Variants in DHRS3 observed in about 807,000 individuals in gnomAD.
DHRS3 encodes dehydrogenase/reductase 3, also known as short-chain dehydrogenase/reductase 3.
DHRS3 carries 14 observed loss-of-function variants against 27.2 expected under a neutral mutation model. The ratio of observed to expected loss-of-function variants is 0.52; its 90% CI spans 0.34 to 0.81. DHRS3 has a LOEUF of 0.81. DHRS3 is among the 30% of genes least tolerant of loss of function. The pLI is 0.01. For synonymous variants in DHRS3, 165 were observed against 175.9 expected (o/e 0.94, Z 0.49); for missense variants, 322 against 406.2 (o/e 0.79, Z 1.78).
intron 1 of DHRS3, among the ~76,000 whole-genome samples, chr1:12,604,201 T>G (rs1557530611): frequency 6.6e-6 from 1 of 152,138 alleles, no homozygotes. Flanking sequence ...TCTTCTAAGA[T>G]TTCCCTTAAT....
At chr1:12,582,710 T>C (rs1242845065) in intron 1 of DHRS3, among the ~76,000 whole-genome samples, 1 of 152,066 alleles carries the variant, frequency 6.6e-6, no homozygotes, top group African/African-American at 2.4e-5. Context: ...GGTTCCTTTA[T>C]TCCTCCCTTA....
At chr1:12,602,194 G>A (rs1265505289) in intron 1 of DHRS3, among the ~76,000 whole-genome samples, 1 of 152,238 alleles carries the variant, frequency 6.6e-6, no homozygotes, top group Non-Finnish European at 1.5e-5. Context: ...TTGTGCAGGG[G>A]AAGTTGGATG....
intron 1 of DHRS3, among the ~76,000 whole-genome samples, chr1:12,597,397 A>G (rs1646806058): frequency 1.3e-5 from 2 of 152,234 alleles, no homozygotes; most frequent in Admixed American, 6.5e-5. Flanking sequence ...CCAGATCTTT[A>G]GCGAGTACTC....
At position 12,581,415 on chromosome 1, in the gene DHRS3, C is replaced by T. The variant is rs1286354188; in HGVS notation, c.196-749G>A. On this transcript the variant is annotated intron_variant, in intron 1 of 5. Transcript: ENST00000616661. Reference sequence around the variant, plus strand: ...GCTGGTAGCATAGATGGGACCATTCCAGCCTCAAGGTTCACAGGAGCTAAG... The same window carrying T: ...GCTGGTAGCATAGATGGGACCATTCTAGCCTCAAGGTTCACAGGAGCTAAG... Among the ~76,000 whole-genome samples, 3 of 152,142 alleles carry T rather than the reference C, an allele frequency of 2.0e-5. No individual in the cohort carries two copies. The East Asian group carries it at 5.8e-4, about 29-fold the overall frequency.
chr1:12,581,471 C>T (rs1036198294), intron 1 of DHRS3, among the ~76,000 whole-genome samples: 1 of 152,158 alleles, frequency 6.6e-6, no homozygotes, highest in Non-Finnish European at 1.5e-5. Flanking sequence ...CAGTCACTCC[C>T]CTAAGGATAT....
intron 1 of DHRS3, among the ~76,000 whole-genome samples, chr1:12,614,520 A>G (rs1291509885): frequency 2.0e-5 from 3 of 151,884 alleles, no homozygotes; most frequent in African/African-American, 4.8e-5. Flanking sequence ...CTTTAAAAAA[A>G]AAAAAACCCT....
rs1260173368 is a variant in DHRS3, at chr1:12,595,497, T to C, written c.196-14831A>G. Among the ~76,000 whole-genome samples the C allele has an allele frequency of 1.6e-4, 4 of 25,228 alleles. No individual in the cohort carries two copies. In the East Asian group the frequency reaches 5.0e-3, roughly 32 times the overall value. The allele number at this position is 25,228 out of a possible 152,430, so 16.6% of individuals were successfully genotyped here. ...TCCCAAGCGGCGGATGGGAAAGGGG[T>C]GGAAAGGGGATGGGAAGGGGCGGGA... is the stretch of plus-strand genomic sequence containing the variant. On this transcript the variant is annotated intron_variant, in intron 1 of 5. Transcript: ENST00000616661.
chr1:12,617,859 G>GGA lies in DHRS3; in HGVS notation c.-512_-511insTC, dbSNP rs1478196155. ...CGCCCCCACCCCCACCCCGTCTCCA[G>GGA]AAAAAAAAAAAAAAAAAAAGTGGGG... On this transcript the variant is annotated 5_prime_UTR_variant, in exon 1 of 6. Transcript: ENST00000616661. 1.9e-4 allele frequency: 3 copies of GGA among 15,642 alleles called. No homozygotes were observed. The highest frequency in any genetic ancestry group is 1.1e-3 in the Admixed American group (1 of 912). The allele number at this position is 15,642 out of a possible 1,614,324, so 1.0% of individuals were successfully genotyped here.
chr1:12,580,546 T>A lies in DHRS3; in HGVS notation c.316A>T (p.Thr106Ser), dbSNP rs766811173. Residue 106 changes from threonine (T) to serine (S), a missense_variant, in exon 2 of 6, where the codon ACG (threonine) becomes TCG (serine). Physicochemically the swap from Thr to Ser is moderately conservative, Grantham distance 58. Transcript: ENST00000616661. ...ACCTTCTCCCGGACGGCCTTGGCCGTCTGGTACACCTCCTCCCGGTTGCCC... is the reference window on the plus strand; with the variant it reads ...ACCTTCTCCCGGACGGCCTTGGCCGACTGGTACACCTCCTCCCGGTTGCCC... Reference protein sequence around the residue: ...DVGNREEVYQTAKAVREKVGD... With the variant: ...DVGNREEVYQSAKAVREKVGD... The A allele has an allele frequency of 1.9e-6, 3 of 1,614,168 alleles. No homozygotes were observed. The highest frequency in any genetic ancestry group is 2.5e-6 in the Non-Finnish European group (3 of 1,180,036).
intron 5 of DHRS3, among the ~76,000 whole-genome samples, chr1:12,569,225 T>TCACACACACACACACA (rs1557509277): frequency 2.9e-4 from 34 of 117,994 alleles, no homozygotes; most frequent in African/African-American, 1.3e-3. Context: ...CCCCTCTCTC[T>TCACACACACACACACA]CTCTCTCACA....
At chr1:12,611,708 G>A (rs1174785158) in intron 1 of DHRS3, among the ~76,000 whole-genome samples, 3 of 151,924 alleles carry the variant, frequency 2.0e-5, no homozygotes, top group Admixed American at 1.3e-4. Flanking sequence ...TGAGCGTGCC[G>A]GGATCTTAGG....
At chr1:12,614,014 G>A (rs1055769129) in intron 1 of DHRS3, among the ~76,000 whole-genome samples, 5 of 151,924 alleles carry the variant, frequency 3.3e-5, no homozygotes, top group African/African-American at 4.8e-5. Context: ...CAAGTGATCC[G>A]CCTGCCTCAG....
chr1:12,598,279 T>G (rs559688076), intron 1 of DHRS3, among the ~76,000 whole-genome samples: 1 of 152,054 alleles, frequency 6.6e-6, no homozygotes, highest in Non-Finnish European at 1.5e-5. Context: ...TCCCGGCCAC[T>G]GGGGAGGATC....
At chr1:12,575,763 A>G (rs1646580944) in intron 4 of DHRS3, among the ~76,000 whole-genome samples, 1 of 151,842 alleles carries the variant, frequency 6.6e-6, no homozygotes, top group Admixed American at 6.6e-5. Context: ...CTGGAGTGCA[A>G]TTGTGCAATC....
chr1:12,604,779 G>C (rs185896107), intron 1 of DHRS3, among the ~76,000 whole-genome samples: 3 of 152,212 alleles, frequency 2.0e-5, no homozygotes, highest in Non-Finnish European at 2.9e-5. Flanking sequence ...GGCCGGGTGC[G>C]GTGGCTCACG....
chr1:12,603,670 T>C (rs1165909454), intron 1 of DHRS3, among the ~76,000 whole-genome samples: 12 of 152,142 alleles, frequency 7.9e-5, no homozygotes, highest in African/African-American at 2.9e-4. Flanking sequence ...CAGGAGACCG[T>C]GTTCCCTAGG....
At chr1:12,585,211 A>ATCTCTGTGTG (rs145659460) in intron 1 of DHRS3, among the ~76,000 whole-genome samples, 16 of 140,238 alleles carry the variant, frequency 1.1e-4, no homozygotes, top group African/African-American at 3.3e-4. Context: ...GTGTCTGTGT[A>ATCTCTGTGTG]TCTCTGTGTG....
rs555438661 is a variant in DHRS3 at position 12,591,524 on chromosome 1, A to G, written c.196-10858T>C. Reference sequence around the variant, plus strand: ...CTGGAGCAGGGCAGAGACTTCCTCCAGGCGGACGTCCAGCCTGGAACTGGC... The same window carrying G: ...CTGGAGCAGGGCAGAGACTTCCTCCGGGCGGACGTCCAGCCTGGAACTGGC... On this transcript the variant is annotated intron_variant, in intron 1 of 5. Coordinates refer to ENST00000616661, the MANE Select transcript of DHRS3 (RefSeq NM_004753.7). The surrounding 1 kb of genome is among the most constrained non-coding windows in gnomAD (Gnocchi z 4.1). Among the ~76,000 whole-genome samples, 351 of 152,350 alleles carry G rather than the reference A, an allele frequency of 2.3e-3. 1 individual carries two copies. The highest frequency in any genetic ancestry group is 3.6e-3 in the Non-Finnish European group (245 of 68,024).
chr1:12,585,189 C>CTG (rs1227793617), intron 1 of DHRS3, among the ~76,000 whole-genome samples: 20 of 144,480 alleles, frequency 1.4e-4, no homozygotes, highest in Non-Finnish European at 2.3e-4. Flanking sequence ...GTGTATGTTT[C>CTG]TGTGTGTGTG....
Sources: gnomAD v4.1 joint callset for allele counts (sites outside exome capture counted in the v4.1 genomes callset) on GRCh38, gnomAD v4.1.1 for gene constraint, Gnocchi (gnomAD v3.1) non-coding constraint, MANE v1.5 for transcripts, NCBI Gene and HGNC (gene_info 2026-07-23, HGNC 2026-07-21) for gene names.